GRIA1: variants seen among roughly 807,000 people sequenced by gnomAD.
GRIA1 encodes glutamate receptor 1.
In GRIA1, 31 loss-of-function variants were observed where a neutral mutation model predicts 99.2. The observed-to-expected ratio is 0.31, with a 90% CI of 0.23 to 0.42. GRIA1 has a LOEUF of 0.42. Among genes scored for constraint, GRIA1 ranks in the 10% least tolerant of loss-of-function variants. The pLI, the probability that GRIA1 is intolerant of heterozygous loss-of-function variation, is 1.00. For missense variants in GRIA1, 782 were observed against 1,157.5 expected (o/e 0.68, Z 4.71); for synonymous variants, 438 against 432.4 (o/e 1.01, Z -0.16).
chr5:153,784,175 AC>A (rs1417326970), intron 13 of GRIA1, among the ~76,000 whole-genome samples: 1 of 152,092 alleles, frequency 6.6e-6, no homozygotes, highest in Admixed American at 6.5e-5. Flanking sequence ...AGGGTCATCA[AC>A]CACCCTGGTT....
intron 13 of GRIA1, among the ~76,000 whole-genome samples, chr5:153,794,025 A>G (rs1391645536): frequency 6.6e-6 from 1 of 152,240 alleles, no homozygotes; most frequent in Non-Finnish European, 1.5e-5. Flanking sequence ...ATTACACCTT[A>G]ATCTGACTCT....
At chr5:153,623,156 G>T (rs77841625) in intron 2 of GRIA1, among the ~76,000 whole-genome samples, 33,772 of 152,114 alleles carry the variant, frequency 0.22, 4,298 homozygotes, top group Non-Finnish European at 0.29. Context: ...TGTCAATTCT[G>T]ACAAATTAAT....
At chr5:153,515,978 T>C (rs1756585614) in intron 2 of GRIA1, among the ~76,000 whole-genome samples, 1 of 152,146 alleles carries the variant, frequency 6.6e-6, no homozygotes. Flanking sequence ...CCCAGCACTT[T>C]GGGAGGCCAA....
chr5:153,632,171 G>A (rs934785133), intron 2 of GRIA1, among the ~76,000 whole-genome samples: 39 of 152,104 alleles, frequency 2.6e-4, no homozygotes, highest in African/African-American at 8.9e-4. Context: ...AGGGAAAGTG[G>A]GCAAGGTGGA....
At chr5:153,584,171 T>A (rs907094793) in intron 2 of GRIA1, among the ~76,000 whole-genome samples, 1 of 152,180 alleles carries the variant, frequency 6.6e-6, no homozygotes, top group Non-Finnish European at 1.5e-5. Flanking sequence ...GTTGTACTCA[T>A]GTTGCCCCAA....
intron 2 of GRIA1, among the ~76,000 whole-genome samples, chr5:153,555,442 A>C (rs768482185): frequency 8.5e-5 from 13 of 152,176 alleles, no homozygotes; most frequent in Admixed American, 1.3e-4. Context: ...TCAATGTTTT[A>C]TCATTTATAA....
At chr5:153,489,900 T>C (rs1753758118), upstream of GRIA1, 2 of 452,266 alleles carry the variant, frequency 4.4e-6, no homozygotes, top group Non-Finnish European at 8.9e-6. Flanking sequence ...TCCTGTGGAA[T>C]GCAGGGAAAG....
At chr5:153,609,783 G>A (rs369254748) in intron 2 of GRIA1, among the ~76,000 whole-genome samples, 74 of 151,786 alleles carry the variant, frequency 4.9e-4, no homozygotes, top group African/African-American at 6.5e-4. Flanking sequence ...GGATGGTCTC[G>A]ATCTCCTGAC....
intron 2 of GRIA1, among the ~76,000 whole-genome samples, chr5:153,631,540 A>T (rs183800230): frequency 6.6e-6 from 1 of 152,206 alleles, no homozygotes; most frequent in African/African-American, 2.4e-5. Flanking sequence ...CTATCGGATG[A>T]ATCACTAAAA....
chr5:153,743,712 A>C (rs887531127), intron 11 of GRIA1, among the ~76,000 whole-genome samples: 3 of 152,238 alleles, frequency 2.0e-5, no homozygotes, highest in African/African-American at 2.4e-5. Context: ...ACGCCCAGAT[A>C]ATGTTCCTGT....
intron 2 of GRIA1, among the ~76,000 whole-genome samples, chr5:153,537,068 A>G (rs886843624): frequency 2.6e-5 from 4 of 152,140 alleles, no homozygotes; most frequent in Admixed American, 6.5e-5. Flanking sequence ...TGGCCAGGGA[A>G]CCCTGGGATA....
At chr5:153,753,454 G>T (rs184790357) in intron 11 of GRIA1, among the ~76,000 whole-genome samples, 187 of 152,302 alleles carry the variant, frequency 1.2e-3, no homozygotes, top group African/African-American at 4.3e-3. Context: ...TTAGGTGAGG[G>T]AGGTAGTGTC....
intron 6 of GRIA1, among the ~76,000 whole-genome samples, chr5:153,675,741 G>C (rs142202064): frequency 1.3e-5 from 2 of 152,094 alleles, no homozygotes; most frequent in Non-Finnish European, 2.9e-5. Flanking sequence ...AAACAAAATC[G>C]CAAATATGCT....
intron 11 of GRIA1, among the ~76,000 whole-genome samples, chr5:153,726,594 C>CAG (rs1167911776): frequency 3.3e-5 from 5 of 151,958 alleles, no homozygotes; most frequent in Non-Finnish European, 4.4e-5. Context: ...AAACTACCAT[C>CAG]AGAATACTAC....
At chr5:153,728,261 A>C (rs1359970116) in intron 11 of GRIA1, among the ~76,000 whole-genome samples, 1 of 151,848 alleles carries the variant, frequency 6.6e-6, no homozygotes, top group Middle Eastern at 3.2e-3. Flanking sequence ...TAAACGTTAG[A>C]CCTAAAACCA....
chr5:153,662,358 A>G (rs962736662), intron 5 of GRIA1, among the ~76,000 whole-genome samples: 10 of 152,222 alleles, frequency 6.6e-5, no homozygotes, highest in African/African-American at 1.7e-4. Context: ...CTTTTCTTCC[A>G]GCTAGATTAG....
intron 4 of GRIA1, among the ~76,000 whole-genome samples, chr5:153,655,048 A>G: frequency 6.6e-6 from 1 of 152,338 alleles, no homozygotes; most frequent in East Asian, 1.9e-4. Context: ...AACCATAATC[A>G]AACATCAAAT....
intron 2 of GRIA1, among the ~76,000 whole-genome samples, chr5:153,545,614 C>T (rs1759542561): frequency 6.6e-6 from 1 of 152,134 alleles, no homozygotes. Context: ...GAGCTAACTG[C>T]ATGCTAAGCT....
intron 2 of GRIA1, among the ~76,000 whole-genome samples, chr5:153,640,955 T>A (rs945219296): frequency 6.6e-6 from 1 of 152,208 alleles, no homozygotes; most frequent in Non-Finnish European, 1.5e-5. Flanking sequence ...ATTCTTTGCA[T>A]GTCAGCATTA....
Sources: allele counts gnomAD v4.1 joint callset (sites outside exome capture counted in the v4.1 genomes callset), GRCh38; gene constraint gnomAD v4.1.1; transcripts MANE v1.5; gene names NCBI Gene and HGNC (gene_info 2026-07-23, HGNC 2026-07-21).